The following MTURN variants were observed in gnomAD, a reference collection of about 807,000 sequenced individuals.
The protein encoded by MTURN is maturin, neural progenitor differentiation regulator homolog.
In MTURN, 7 loss-of-function variants were observed where a neutral mutation model predicts 14.9. The observed-to-expected ratio is 0.47, with a 90% CI of 0.27 to 0.88. The LOEUF is 0.88. MTURN is among the 40% of genes least tolerant of loss of function. The pLI is 0.14. For missense variants in MTURN, 151 were observed against 174.1 expected (o/e 0.87, Z 0.75); for synonymous variants, 69 against 72.5 (o/e 0.95, Z 0.25).
At chr7:30,141,983 C>T (rs972990126) in intron 1 of MTURN, among the ~76,000 whole-genome samples, 22 of 152,174 alleles carry the variant, frequency 1.4e-4, no homozygotes, top group African/African-American at 5.3e-4. Flanking sequence ...CCTGCCACCC[C>T]CACCCTGCTT....
rs1268365863 is a variant in MTURN at position 30,152,435 on chromosome 7, A to G, written c.286-5003A>G. 2.0e-5 allele frequency among the ~76,000 whole-genome samples: 3 copies of G among 152,216 alleles called. No homozygotes were observed. The East Asian group carries it at 5.8e-4, about 29-fold the overall frequency. On this transcript the variant is annotated intron_variant, in intron 2 of 2. Transcript: ENST00000324453. ...TGGCTCTTGGACTAACAGTATTCCC[A>G]TCACCTGGGAGTGTGTTAGAGATGC...
chr7:30,137,449 T>C, intron 1 of MTURN: 1 of 369,408 alleles, frequency 2.7e-6, no homozygotes, highest in Non-Finnish European at 5.5e-6. Flanking sequence ...TTATATTATT[T>C]GTATCAGGCC....
rs926810056 is a variant in MTURN, at chr7:30,135,063, G to GCGCTGCCCGCCC, written c.-73_-62dup. 8.3e-7 allele frequency: 1 copy of GCGCTGCCCGCCC among 1,201,372 alleles called. No homozygotes were observed. The highest frequency in any genetic ancestry group is 1.0e-6 in the Non-Finnish European group (1 of 958,664). 74.4% of individuals were successfully genotyped at this position (1,201,372 alleles called of 1,614,324 possible). A position where few individuals can be genotyped will look rare whatever the true frequency, so the allele number is the denominator to read the frequency against. On this transcript the variant is annotated 5_prime_UTR_variant, in exon 1 of 3. Coordinates refer to ENST00000324453, the MANE Select transcript of MTURN (RefSeq NM_152793.3). ...GCCCGCGCAGGCCGAGCCGAGCGCC[G>GCGCTGCCCGCCC]CGCTGCCCGCCCGGGAGGAGGGCGC...
chr7:30,135,958 GCATACAC>G (rs1241938401), intron 1 of MTURN, among the ~76,000 whole-genome samples: 2 of 150,496 alleles, frequency 1.3e-5, no homozygotes, highest in East Asian at 3.9e-4. Context: ...GCGCGCCTGC[GCATACAC>G]CCCAACACAC....
At chr7:30,150,287 G>C (rs1316383458) in intron 2 of MTURN, among the ~76,000 whole-genome samples, 3 of 152,142 alleles carry the variant, frequency 2.0e-5, no homozygotes, top group African/African-American at 7.2e-5. Flanking sequence ...GGTTACCGTT[G>C]GGGGGAACCT....
rs182415125 is a variant in MTURN, at chr7:30,140,356, G to A, written c.162+5058G>A. Among the ~76,000 whole-genome samples, 289 of 146,008 alleles carry A rather than the reference G, an allele frequency of 2.0e-3. 1 individual carries two copies. The highest frequency in any genetic ancestry group is 6.9e-3 in the African/African-American group (273 of 39,840). Reference sequence around the variant, plus strand: ...ATTAAAGAAAAAGGCTTTATTTATGGCAGGACTGTGATTTAATTTTACATG... The same window carrying A: ...ATTAAAGAAAAAGGCTTTATTTATGACAGGACTGTGATTTAATTTTACATG... On this transcript the variant is annotated intron_variant, in intron 1 of 2. Transcript: ENST00000324453.
Position 30,160,928 on chromosome 7 carries a change from A to G in MTURN, c.*3380A>G, listed in dbSNP as rs1417588668. 6.6e-6 allele frequency: 1 copy of G among 152,586 alleles called. No individual in the cohort carries two copies. Among genetic ancestry groups the G allele is most frequent in the Non-Finnish European group, 1.5e-5 (1 of 68,042 alleles). The allele number at this position is 152,586 out of a possible 1,614,324, so 9.5% of individuals were successfully genotyped here. The stretch of plus-strand genomic sequence containing the variant: ...CAATGGAAAAGTCTCTTATGTAGGG[A>G]TCCTCCTTGTGTCCTGGTGCCAGAA... On this transcript the variant is annotated 3_prime_UTR_variant, in exon 3 of 3. Coordinates refer to ENST00000324453, the MANE Select transcript of MTURN (RefSeq NM_152793.3).
At chr7:30,144,249 A>G (rs1797095702) in intron 1 of MTURN, among the ~76,000 whole-genome samples, 1 of 152,236 alleles carries the variant, frequency 6.6e-6, no homozygotes, top group African/African-American at 2.4e-5. Flanking sequence ...ACAGGCTTCA[A>G]GTTTTTGAAA....
At position 30,145,978 on chromosome 7, in the gene MTURN, G is replaced by T. The variant is rs965566861; in HGVS notation, c.163-199G>T. 1.0e-5 allele frequency: 16 copies of T among 1,551,094 alleles called. No individual in the cohort carries two copies. In the African/African-American group the frequency reaches 2.1e-4, roughly 20 times the overall value. ...AGGTGAGGTATGGACCAAAAGCTCG[G>T]GGGCTTCTATAGATTAGACATTTTT... On this transcript the variant is annotated intron_variant, in intron 1 of 2. Coordinates refer to ENST00000324453, the MANE Select transcript of MTURN (RefSeq NM_152793.3).
intron 1 of MTURN, among the ~76,000 whole-genome samples, chr7:30,135,890 C>A (rs1002822032): frequency 6.6e-6 from 1 of 152,270 alleles, no homozygotes; most frequent in African/African-American, 2.4e-5. Context: ...TCCATACTAG[C>A]GATGCCCGAT....
At chr7:30,140,379 ATG>A (rs1327314209) in intron 1 of MTURN, among the ~76,000 whole-genome samples, 1 of 75,244 alleles carries the variant, frequency 1.3e-5, no homozygotes. Context: ...TTAATTTTAC[ATG>A]TGTTTGTAGA....
At chr7:30,139,137 T>A (rs1196171741) in intron 1 of MTURN, among the ~76,000 whole-genome samples, 6 of 152,204 alleles carry the variant, frequency 3.9e-5, no homozygotes, top group Non-Finnish European at 8.8e-5. Context: ...ACATGATGGG[T>A]GCTCAGTACA....
Position 30,159,947 on chromosome 7 carries a change from C to T in MTURN, c.*2399C>T, listed in dbSNP as rs1271235635. ...GGTGAAACACATCCCTGACCCTTCACAGACTTACACATTTACTCACCAGGA... is the reference window on the plus strand; with the variant it reads ...GGTGAAACACATCCCTGACCCTTCATAGACTTACACATTTACTCACCAGGA... On this transcript the variant is annotated 3_prime_UTR_variant, in exon 3 of 3. Transcript: ENST00000324453. 1.3e-5 allele frequency: 2 copies of T among 152,364 alleles called. No homozygotes were observed. Among genetic ancestry groups the T allele is most frequent in the Admixed American group, 6.5e-5 (1 of 15,288 alleles). The allele number at this position is 152,364 out of a possible 1,614,324, so 9.4% of individuals were successfully genotyped here.
rs369601399 is a variant in MTURN at position 30,135,250 on chromosome 7, C to T, written c.114C>T (p.Gly38=). 4.6e-6 allele frequency: 7 copies of T among 1,519,952 alleles called. No homozygotes were observed. The African/African-American group carries it at 1.0e-4, about 22-fold the overall frequency. The allele number at this position is 1,519,952 out of a possible 1,614,324, so 94.2% of individuals were successfully genotyped here. ...ERRMDFYADP[G]VSFYVLCPDN... ...GGATGGATTTCTACGCCGACCCCGGCGTCTCCTTCTATGTGCTGTGTCCGG... is the reference window on the plus strand; with the variant it reads ...GGATGGATTTCTACGCCGACCCCGGTGTCTCCTTCTATGTGCTGTGTCCGG... Residue 38 remains glycine (G), a synonymous_variant, in exon 1 of 3, where the codon GGC becomes GGT. Coordinates refer to ENST00000324453, the MANE Select transcript of MTURN (RefSeq NM_152793.3).
chr7:30,147,836 C>CT (rs1410596130), intron 2 of MTURN, among the ~76,000 whole-genome samples: 1 of 152,112 alleles, frequency 6.6e-6, no homozygotes, highest in Non-Finnish European at 1.5e-5. Flanking sequence ...ACTGAAATCC[C>CT]TTTTTTGTTT....
chr7:30,154,091 G>A (rs1562571066), intron 2 of MTURN, among the ~76,000 whole-genome samples: 2 of 152,154 alleles, frequency 1.3e-5, no homozygotes, highest in Non-Finnish European at 2.9e-5. Flanking sequence ...GCCAGCAAAC[G>A]AGACACGGGG....
In MTURN at chr7:30,141,934, C is replaced by T. The variant is rs1393285457; in HGVS notation, c.163-4243C>T. On this transcript the variant is annotated intron_variant, in intron 1 of 2. Coordinates refer to ENST00000324453, the MANE Select transcript of MTURN (RefSeq NM_152793.3). ...GTAAGAGTGAGTCCCAGAGCAAGGG[C>T]CCCAGAGGGAGGAGACACAGGAGTG... is the stretch of plus-strand genomic sequence containing the variant. Among the ~76,000 whole-genome samples, 7 of 152,148 alleles carry T rather than the reference C, an allele frequency of 4.6e-5. No homozygotes were observed. In the East Asian group the frequency reaches 1.4e-3, roughly 29 times the overall value.
chr7:30,146,551 G>T (rs185112569), intron 2 of MTURN, among the ~76,000 whole-genome samples: 1 of 152,048 alleles, frequency 6.6e-6, no homozygotes, highest in Non-Finnish European at 1.5e-5. Context: ...ATCCCTGATG[G>T]GGGGGGAAGC....
At position 30,161,823 on chromosome 7, in the gene MTURN, C is replaced by T. The variant is rs1562573713; in HGVS notation, c.*4275C>T. 1.3e-5 allele frequency: 2 copies of T among 152,160 alleles called. No individual in the cohort carries two copies. The highest frequency in any genetic ancestry group is 6.5e-5 in the Admixed American group (1 of 15,276). 9.4% of individuals were successfully genotyped at this position (152,160 alleles called of 1,614,324 possible). On this transcript the variant is annotated 3_prime_UTR_variant, in exon 3 of 3. Coordinates refer to ENST00000324453, the MANE Select transcript of MTURN (RefSeq NM_152793.3). ...CTTTTTCATAAAGACCCAGTCACTT[C>T]TCCCAGTTTAGTGATAACAGGTATG...
Sources: allele counts gnomAD v4.1 joint callset (sites outside exome capture counted in the v4.1 genomes callset), GRCh38; gene constraint gnomAD v4.1.1; transcripts MANE v1.5; gene names NCBI Gene and HGNC (gene_info 2026-07-23, HGNC 2026-07-21).